Variants in CTTNBP2 observed in about 807,000 individuals in gnomAD.
CTTNBP2 encodes cortactin-binding protein 2.
Under a neutral mutation model 156.9 loss-of-function variants are expected in CTTNBP2, and 108 were observed. The observed-to-expected ratio is 0.69, with a 90% CI of 0.59 to 0.81. The LOEUF (loss-of-function observed/expected upper bound fraction) is 0.81. Among genes scored for constraint, CTTNBP2 ranks in the 30% least tolerant of loss-of-function variants. The pLI is 0.00. For missense variants in CTTNBP2, 1,924 were observed against 2,035.4 expected (o/e 0.95, Z 1.05); for synonymous variants, 767 against 751.8 (o/e 1.02, Z -0.33).
At chr7:117,781,296 T>C (rs1487971692) in intron 6 of CTTNBP2, among the ~76,000 whole-genome samples, 1 of 152,250 alleles carries the variant, frequency 6.6e-6, no homozygotes, top group Non-Finnish European at 1.5e-5. Flanking sequence ...AAAAGAGGGC[T>C]AAATCATAAT....
chr7:117,791,876 A>G lies in CTTNBP2; in HGVS notation c.1320T>C (p.Gly440=). The G allele has an allele frequency of 6.2e-7, 1 of 1,614,074 alleles. No individual in the cohort carries two copies. The highest frequency in any genetic ancestry group is 8.5e-7 in the Non-Finnish European group (1 of 1,180,032). The change falls in exon 4 of 23, where the codon GGT becomes GGC. Residue 440 remains glycine, a synonymous_variant. Transcript: ENST00000160373. ...SPCANTSLHP[G]LNPRIQAARF... is the part of the protein sequence containing the mutation. ...TAGCTGCTTGGATTCGTGGGTTTAG[A>G]CCTGGATGCAAAGAGGTGTTGGCAC...
At position 117,792,781 on chromosome 7, in the gene CTTNBP2, G is replaced by A. The variant is rs534580580; in HGVS notation, c.415C>T (p.Leu139=). 18 of 1,528,534 alleles carry A rather than the reference G, an allele frequency of 1.2e-5. No individual in the cohort carries two copies. Among genetic ancestry groups the A allele is most frequent in the Non-Finnish European group, 1.5e-5 (17 of 1,140,684 alleles). 94.7% of individuals were successfully genotyped at this position (1,528,534 alleles called of 1,614,324 possible). Residue 139 remains leucine (L), a splice_region_variant and synonymous_variant, in exon 4 of 23, where the codon CTG becomes TTG. Transcript: ENST00000160373. The surrounding 1 kb of genome is among the most constrained non-coding windows in gnomAD (Gnocchi z 4.2). ...LAAAESRQKK[L]EMEKLQLQAL... is the part of the protein sequence containing the mutation. Reference sequence around the variant, plus strand: ...TGTAGCTGAAGCTTCTCCATTTCCAGCTGAAAGAAATTCACAGGAAAACCC... The same window carrying A: ...TGTAGCTGAAGCTTCTCCATTTCCAACTGAAAGAAATTCACAGGAAAACCC...
intron 5 of CTTNBP2, among the ~76,000 whole-genome samples, chr7:117,783,591 GA>G (rs1238313577): frequency 6.6e-6 from 1 of 152,074 alleles, no homozygotes; most frequent in African/African-American, 2.4e-5. Flanking sequence ...AAGAATTCTA[GA>G]ATACTTTAAA....
At chr7:117,867,015 G>GT (rs1804246348) in intron 1 of CTTNBP2, among the ~76,000 whole-genome samples, 1 of 152,202 alleles carries the variant, frequency 6.6e-6, no homozygotes, top group Non-Finnish European at 1.5e-5. Flanking sequence ...TGCAAAGGCT[G>GT]TATCACTGAC....
chr7:117,740,429 G>A (rs776529295), intron 14 of CTTNBP2, among the ~76,000 whole-genome samples: 10 of 152,086 alleles, frequency 6.6e-5, no homozygotes, highest in Non-Finnish European at 1.3e-4. Flanking sequence ...TGTGCTCAGT[G>A]GAAGACAGAA....
chr7:117,838,414 T>A (rs1802075639), intron 2 of CTTNBP2, among the ~76,000 whole-genome samples: 1 of 152,210 alleles, frequency 6.6e-6, no homozygotes, highest in Admixed American at 6.5e-5. Context: ...AGGAGTCTAA[T>A]GTGGTTATGT....
chr7:117,747,667 G>C (rs546144197), intron 12 of CTTNBP2, among the ~76,000 whole-genome samples: 1 of 152,296 alleles, frequency 6.6e-6, no homozygotes, highest in African/African-American at 2.4e-5. Context: ...CAGTTACTTG[G>C]GAGGTTGAGG....
At position 117,760,821 on chromosome 7, in the gene CTTNBP2, C is replaced by A. The variant is rs1375844482; in HGVS notation, c.2897-111G>T. On this transcript the variant is annotated intron_variant, in intron 9 of 22. Transcript: ENST00000160373. Reference sequence around the variant, plus strand: ...AACATTTAAAAATTATAAACCAAAGCTATTTTATTTCATTAAATAACATTA... The same window carrying A: ...AACATTTAAAAATTATAAACCAAAGATATTTTATTTCATTAAATAACATTA... 5 of 733,244 alleles carry A rather than the reference C, an allele frequency of 6.8e-6. No homozygotes were observed. In the Admixed American group the frequency reaches 1.4e-4, roughly 21 times the overall value. 45.4% of individuals were successfully genotyped at this position (733,244 alleles called of 1,614,324 possible). A position where few individuals can be genotyped will look rare whatever the true frequency, so the allele number is the denominator to read the frequency against.
At chr7:117,867,143 T>C (rs905975170) in intron 1 of CTTNBP2, among the ~76,000 whole-genome samples, 1 of 152,176 alleles carries the variant, frequency 6.6e-6, no homozygotes, top group Non-Finnish European at 1.5e-5. Context: ...TCTCAAAGTA[T>C]TTTCAAATCT....
chr7:117,865,178 C>T (rs1313650108), intron 1 of CTTNBP2, among the ~76,000 whole-genome samples: 4 of 151,634 alleles, frequency 2.6e-5, no homozygotes, highest in Non-Finnish European at 4.4e-5. Flanking sequence ...TGCTGCCACT[C>T]ACACAAAAAA....
At chr7:117,784,142 A>G (rs1320651113) in intron 5 of CTTNBP2, 109 bp downstream of exon 5, 8 of 834,446 alleles carry the variant, frequency 9.6e-6, no homozygotes, top group Non-Finnish European at 1.3e-5. Context: ...TACCACCTGT[A>G]AAAGAAAAAT....
intron 16 of CTTNBP2, among the ~76,000 whole-genome samples, chr7:117,729,800 A>G (rs1309158528): frequency 6.6e-6 from 1 of 152,182 alleles, no homozygotes; most frequent in Non-Finnish European, 1.5e-5. Context: ...GGTAATTCAA[A>G]AGAAGAACTG....
intron 12 of CTTNBP2, among the ~76,000 whole-genome samples, chr7:117,752,195 C>T (rs891002141): frequency 6.6e-6 from 1 of 152,146 alleles, no homozygotes; most frequent in African/African-American, 2.4e-5. Context: ...CAGTGACTGG[C>T]ATGGCACATA....
intron 22 of CTTNBP2, among the ~76,000 whole-genome samples, chr7:117,716,861 G>A (rs1794408719): frequency 6.6e-6 from 1 of 152,150 alleles, no homozygotes; most frequent in South Asian, 2.1e-4. Context: ...TGAGGGAGCG[G>A]GGCTGTGGGG....
chr7:117,791,781 C>T lies in CTTNBP2; in HGVS notation c.1415G>A (p.Arg472Lys), dbSNP rs1563011363. The stretch of plus-strand genomic sequence containing the variant: ...GTCACGACTTGTAGGCGAGACATCT[C>T]TTGACGGAGGACTTTGGGTAGTATT... ...NGNTTQSPPS[R>K]DVSPTSRDNL... is the part of the protein sequence containing the mutation. Residue 472 changes from arginine (R) to lysine (K), a missense_variant, in exon 4 of 23, where the codon AGA (arginine) becomes AAA (lysine). Coordinates refer to ENST00000160373, the MANE Select transcript of CTTNBP2 (RefSeq NM_033427.3). 1.2e-6 allele frequency: 2 copies of T among 1,614,190 alleles called. No individual in the cohort carries two copies. Among genetic ancestry groups the T allele is most frequent in the Non-Finnish European group, 1.7e-6 (2 of 1,180,040 alleles).
intron 3 of CTTNBP2, among the ~76,000 whole-genome samples, chr7:117,805,334 G>C (rs931571889): frequency 6.6e-6 from 1 of 152,120 alleles, no homozygotes; most frequent in African/African-American, 2.4e-5. Flanking sequence ...AGTACATATA[G>C]GAAGCCTGAG....
chr7:117,848,100 A>G (rs1365161258), intron 2 of CTTNBP2, among the ~76,000 whole-genome samples: 1 of 152,114 alleles, frequency 6.6e-6, no homozygotes, highest in Non-Finnish European at 1.5e-5. Context: ...TACAGGTGTG[A>G]GCCACCACGC....
Position 117,717,851 on chromosome 7 carries a change from T to C in CTTNBP2, c.4746+167A>G, listed in dbSNP as rs371395403. Among the ~76,000 whole-genome samples the C allele has an allele frequency of 5.9e-5, 9 of 152,262 alleles. No homozygotes were observed. In the East Asian group the frequency reaches 1.7e-3, roughly 29 times the overall value. Reference sequence around the variant, plus strand: ...TGTCATTTTTTTCCAAAATATTCTATAAGTACTCTTTCTAAAACCTAATGA... The same window carrying C: ...TGTCATTTTTTTCCAAAATATTCTACAAGTACTCTTTCTAAAACCTAATGA... On this transcript the variant is annotated intron_variant, in intron 22 of 22. Transcript: ENST00000160373.
chr7:117,859,375 A>G (rs780008193), intron 2 of CTTNBP2, among the ~76,000 whole-genome samples: 27 of 152,228 alleles, frequency 1.8e-4, no homozygotes, highest in Non-Finnish European at 3.4e-4. Context: ...TAAAAAGAGA[A>G]ATACATGTGG....
Sources: allele counts gnomAD v4.1 joint callset (sites outside exome capture counted in the v4.1 genomes callset), GRCh38; gene constraint gnomAD v4.1.1; non-coding constraint Gnocchi (gnomAD v3.1); transcripts MANE v1.5; gene names NCBI Gene and HGNC (gene_info 2026-07-23, HGNC 2026-07-21).